Variants in NEDD4L observed in about 807,000 individuals in gnomAD.
NEDD4L encodes E3 ubiquitin-protein ligase NEDD4-like.
NEDD4L carries 54 observed loss-of-function variants against 148.9 expected under a neutral mutation model. The ratio of observed to expected loss-of-function variants is 0.36; its 90% confidence interval spans 0.29 to 0.45. The LOEUF (loss-of-function observed/expected upper bound fraction) is 0.45, where lower values mean the gene tolerates loss of function less well. NEDD4L is among the 20% of genes least tolerant of loss of function. The probability of loss-of-function intolerance (pLI) is 1.00; values close to 1 mark genes in which losing one functional copy is unlikely to be tolerated. For synonymous variants in NEDD4L, 433 were observed against 440.7 expected (o/e 0.98, Z 0.22); for missense variants, 856 against 1,233.8 (o/e 0.69, Z 4.59).
At chr18:58,188,660 T>C (rs1297256255) in intron 2 of NEDD4L, among the ~76,000 whole-genome samples, 1 of 152,240 alleles carries the variant, frequency 6.6e-6, no homozygotes, top group Non-Finnish European at 1.5e-5. Context: ...TGACTTTCCA[T>C]ATAACAGCAC....
chr18:58,305,465 T>C (rs1165352446), intron 5 of NEDD4L, among the ~76,000 whole-genome samples: 1 of 152,228 alleles, frequency 6.6e-6, no homozygotes, highest in Non-Finnish European at 1.5e-5. Flanking sequence ...CTAAGCAGCC[T>C]GGGCACCTCT....
chr18:58,108,007 AC>A (rs1453750394), intron 1 of NEDD4L, among the ~76,000 whole-genome samples: 1 of 152,164 alleles, frequency 6.6e-6, no homozygotes, highest in Non-Finnish European at 1.5e-5. Context: ...GGCATGAGCC[AC>A]TGCACCCAGC....
At chr18:58,257,081 G>T (rs1184909373) in intron 5 of NEDD4L, among the ~76,000 whole-genome samples, 2 of 152,094 alleles carry the variant, frequency 1.3e-5, no homozygotes, top group Non-Finnish European at 2.9e-5. Context: ...AATAAAATTT[G>T]TTACTTTAAT....
chr18:58,080,651 C>T (rs1295670317), intron 1 of NEDD4L, among the ~76,000 whole-genome samples: 1 of 152,104 alleles, frequency 6.6e-6, no homozygotes, highest in Non-Finnish European at 1.5e-5. Flanking sequence ...TGCCCTCAGG[C>T]GGGGATGTGT....
At chr18:58,065,293 A>C (rs563022323) in intron 1 of NEDD4L, among the ~76,000 whole-genome samples, 2 of 152,312 alleles carry the variant, frequency 1.3e-5, no homozygotes, top group East Asian at 3.9e-4. Context: ...TGAGCTTCCA[A>C]GTGGCAATTG....
At chr18:58,276,854 G>C (rs187698751) in intron 5 of NEDD4L, among the ~76,000 whole-genome samples, 3 of 152,220 alleles carry the variant, frequency 2.0e-5, no homozygotes, top group Admixed American at 2.0e-4. Flanking sequence ...ATATTGCAGG[G>C]TCTGTAGTTG....
chr18:58,127,840 CAAAAAAAAA>C (rs113559692), intron 1 of NEDD4L, among the ~76,000 whole-genome samples: 3 of 114,132 alleles, frequency 2.6e-5, no homozygotes, highest in East Asian at 3.0e-4. Context: ...GACTCCGTCT[CAAAAAAAAA>C]AAAAAAAAAA....
At chr18:58,106,807 G>A (rs1474178237) in intron 1 of NEDD4L, among the ~76,000 whole-genome samples, 2 of 152,080 alleles carry the variant, frequency 1.3e-5, no homozygotes, top group South Asian at 4.1e-4. Context: ...TCAACCACTC[G>A]CCCAAAGTCA....
intron 2 of NEDD4L, chr18:58,195,454 G>A (rs567220409): frequency 3.0e-6 from 4 of 1,325,082 alleles, no homozygotes; most frequent in East Asian, 9.4e-5. Flanking sequence ...CGCGGCAGCA[G>A]CTTCCAACCC....
intron 2 of NEDD4L, among the ~76,000 whole-genome samples, chr18:58,173,526 G>C (rs906308708): frequency 6.6e-6 from 1 of 152,206 alleles, no homozygotes; most frequent in Non-Finnish European, 1.5e-5. Flanking sequence ...CTGCTGCCTA[G>C]TGATTGAGAG....
intron 2 of NEDD4L, among the ~76,000 whole-genome samples, chr18:58,167,326 C>T (rs549784487): frequency 5.0e-4 from 76 of 152,310 alleles, no homozygotes; most frequent in African/African-American, 1.8e-3. Flanking sequence ...AGAAGGATCC[C>T]TGCTTCCCTT....
At chr18:58,164,923 C>T (rs1475394884) in intron 1 of NEDD4L, among the ~76,000 whole-genome samples, 1 of 152,246 alleles carries the variant, frequency 6.6e-6, no homozygotes, top group African/African-American at 2.4e-5. Context: ...GCTTCATAGA[C>T]ACCTTGGACA....
Position 58,256,925 on chromosome 18 carries a change from G to T in NEDD4L, c.297+4871G>T. The T allele has an allele frequency of 2.3e-6, 1 of 436,986 alleles. No homozygotes were observed. Among genetic ancestry groups the T allele is most frequent in the Non-Finnish European group, 3.0e-6 (1 of 328,424 alleles). 27.1% of individuals were successfully genotyped at this position (436,986 alleles called of 1,614,324 possible). ...ATGTTTGGCCGAGTTCTGGCACGAT[G>T]ATTTGTGGTCCAGTGTTTGGTGCGC... On this transcript the variant is annotated intron_variant, in intron 5 of 30. Coordinates refer to ENST00000400345, the MANE Select transcript of NEDD4L (RefSeq NM_001144967.3). The surrounding 1 kb of genome is among the most constrained non-coding windows in gnomAD (Gnocchi z 5.2).
chr18:58,285,699 A>G (rs1234839127), intron 5 of NEDD4L, among the ~76,000 whole-genome samples: 2 of 152,200 alleles, frequency 1.3e-5, no homozygotes, highest in African/African-American at 4.8e-5. Flanking sequence ...TAATTTTTGC[A>G]AAGGCGGTTT....
chr18:58,165,119 C>G (rs1180271045), intron 1 of NEDD4L, among the ~76,000 whole-genome samples: 1 of 152,136 alleles, frequency 6.6e-6, no homozygotes, highest in Non-Finnish European at 1.5e-5. Context: ...TTCAATAGAG[C>G]CTGGAGCATA....
chr18:58,213,020 G>A (rs1158013561), intron 2 of NEDD4L, among the ~76,000 whole-genome samples: 1 of 152,142 alleles, frequency 6.6e-6, no homozygotes, highest in East Asian at 1.9e-4. Flanking sequence ...ATTAAACAAT[G>A]AGACGTTACT....
chr18:58,352,695 T>C (rs1195241386), intron 18 of NEDD4L, among the ~76,000 whole-genome samples: 1 of 152,214 alleles, frequency 6.6e-6, no homozygotes, highest in Non-Finnish European at 1.5e-5. Context: ...GTATTTTTTA[T>C]ACATCACAAT....
chr18:58,253,033 G>C (rs1193026132), intron 5 of NEDD4L, among the ~76,000 whole-genome samples: 1 of 152,178 alleles, frequency 6.6e-6, no homozygotes, highest in Non-Finnish European at 1.5e-5. Flanking sequence ...CTATAATTCA[G>C]TGCAGTCATT....
At chr18:58,354,688 C>A (rs1385532166) in intron 18 of NEDD4L, among the ~76,000 whole-genome samples, 1 of 152,182 alleles carries the variant, frequency 6.6e-6, no homozygotes, top group Non-Finnish European at 1.5e-5. Context: ...ATGAATAACA[C>A]ACAGTCCCTG....
Sources: allele counts gnomAD v4.1 joint callset (sites outside exome capture counted in the v4.1 genomes callset), GRCh38; gene constraint gnomAD v4.1.1; non-coding constraint Gnocchi (gnomAD v3.1); transcripts MANE v1.5; gene names NCBI Gene and HGNC (gene_info 2026-07-23, HGNC 2026-07-21).